Variants in FGFR2 observed in about 807,000 individuals in gnomAD.
The protein encoded by FGFR2 is fibroblast growth factor receptor 2, also known as BEK fibroblast growth factor receptor.
A neutral mutation model predicts 95.9 loss-of-function variants in FGFR2; 19 were observed. The observed-to-expected ratio is 0.20, with a 90% CI of 0.14 to 0.29. The LOEUF (loss-of-function observed/expected upper bound fraction) is 0.29. FGFR2 is among the 10% of genes least tolerant of loss of function. FGFR2 has a pLI of 1.00. For missense variants in FGFR2, 707 were observed against 1,056.9 expected (o/e 0.67, Z 4.59); for synonymous variants, 392 against 393.3 (o/e 1.00, Z 0.04).
At position 121,479,688 on chromosome 10, in the gene FGFR2, T is replaced by C. The variant is rs1403306750; in HGVS notation, c.*169A>G. The C allele has an allele frequency of 6.4e-7, 1 of 1,566,082 alleles. No homozygotes were observed. Among genetic ancestry groups the C allele is most frequent in the South Asian group, 1.2e-5 (1 of 85,910 alleles). On this transcript the variant is annotated 3_prime_UTR_variant, in exon 18 of 18. Coordinates refer to ENST00000358487, the MANE Select transcript of FGFR2 (RefSeq NM_000141.5). ...TTCTCCTCCTGGGGAAGATTACAAG[T>C]TTTCAACTGTATAAATCTTTACACA...
chr10:121,500,729 A>G (rs1052609978), intron 11 of FGFR2, 97 bp downstream of exon 11: 1 of 1,540,312 alleles, frequency 6.5e-7, no homozygotes, highest in Admixed American at 1.7e-5. Flanking sequence ...GTGCTCTCTG[A>G]CCCCGTGCCA....
In FGFR2 at chr10:121,589,784, C is replaced by A. The variant is rs116063295; in HGVS notation, c.109+3925G>T. On this transcript the variant is annotated intron_variant, in intron 2 of 17. Transcript: ENST00000358487. ...TAAGCCTGTATTTGGTTTAATTGAC[C>A]AAGAATAAGTCCTTGTTCCAAAGCT... Among the ~76,000 whole-genome samples the A allele has an allele frequency of 9.8e-4, 149 of 152,262 alleles. 1 individual carries two copies. The highest frequency in any genetic ancestry group is 3.5e-3 in the African/African-American group (144 of 41,564).
chr10:121,498,591 T>G lies in FGFR2; in HGVS notation c.1576A>C (p.Lys526Gln). ...TCTGACACCAGATCAGAAAGGTCTT[T>G]CTCTGTGGCATCATCTATGAACAGT... ...VKMLKDDATE[K>Q]DLSDLVSEME... Residue 526 changes from lysine (K) to glutamine (Q), a missense_variant, in exon 12 of 18, where the codon AAA (lysine) becomes CAA (glutamine). Coordinates refer to ENST00000358487, the MANE Select transcript of FGFR2 (RefSeq NM_000141.5). 1 of 1,614,092 alleles carries G rather than the reference T, an allele frequency of 6.2e-7. No homozygotes were observed. Among genetic ancestry groups the G allele is most frequent in the Non-Finnish European group, 8.5e-7 (1 of 1,179,900 alleles).
intron 1 of FGFR2, among the ~76,000 whole-genome samples, 189 bp downstream of exon 1, chr10:121,597,773 C>G (rs1483604516): frequency 6.6e-6 from 1 of 152,230 alleles, no homozygotes; most frequent in Admixed American, 6.5e-5. Context: ...TCCAGAACGC[C>G]GGCCGTCAGC....
rs1215738029 is a variant in FGFR2, at chr10:121,485,606, CAT to C, written c.2058-76_2058-75del. 1 of 1,596,892 alleles carries C rather than the reference CAT, an allele frequency of 6.3e-7. No individual in the cohort carries two copies. ...AAAACCTAAACACGCCCAGCTGAGA[CAT>C]AAACACCTCCTCACTTCTGAAGTTC... On this transcript the variant is annotated intron_variant, in intron 15 of 17. Transcript: ENST00000358487. This position sits in a 1 kb window ranked among gnomAD's most constrained non-coding sequence, Gnocchi z 4.2.
intron 2 of FGFR2, among the ~76,000 whole-genome samples, chr10:121,579,983 G>C (rs946405321): frequency 6.6e-6 from 1 of 152,112 alleles, no homozygotes; most frequent in African/African-American, 2.4e-5. Flanking sequence ...CCCTGATATT[G>C]ATGTAAACAT....
At chr10:121,515,596 TTG>T (rs1489656575) in intron 8 of FGFR2, among the ~76,000 whole-genome samples, 1 of 152,034 alleles carries the variant, frequency 6.6e-6, no homozygotes, top group Non-Finnish European at 1.5e-5. Flanking sequence ...AGGCCACATT[TTG>T]TTAGACATTT....
At chr10:121,580,504 G>T (rs1168791469) in intron 2 of FGFR2, among the ~76,000 whole-genome samples, 1 of 152,196 alleles carries the variant, frequency 6.6e-6, no homozygotes, top group Non-Finnish European at 1.5e-5. Context: ...TGAAGGCACA[G>T]AGTTGTGGCC....
chr10:121,538,559 A>T (rs775112775), intron 6 of FGFR2, 33 bp downstream of exon 6: 4 of 1,614,176 alleles, frequency 2.5e-6, no homozygotes, highest in Non-Finnish European at 2.5e-6. Flanking sequence ...ATGGGCTGGT[A>T]TGCAGCCGCC....
intron 12 of FGFR2, 63 bp from the exon 13 acceptor site, chr10:121,496,785 G>A (rs986974211): frequency 1.4e-6 from 2 of 1,419,328 alleles, no homozygotes; most frequent in Non-Finnish European, 9.8e-7. Context: ...GGGCAATTCA[G>A]CAAAACATTT....
intron 5 of FGFR2, among the ~76,000 whole-genome samples, chr10:121,542,702 T>C (rs1326063071): frequency 6.6e-6 from 1 of 152,130 alleles, no homozygotes; most frequent in Admixed American, 6.5e-5. Flanking sequence ...AACTCCCAAG[T>C]ATAATACAAG....
chr10:121,591,930 T>G (rs968854177), intron 2 of FGFR2, among the ~76,000 whole-genome samples: 1 of 152,212 alleles, frequency 6.6e-6, no homozygotes, highest in Non-Finnish European at 1.5e-5. Flanking sequence ...TTCTTCCCTC[T>G]GCCTCACCTG....
Position 121,519,849 on chromosome 10 carries a change from A to G in FGFR2, c.939+130T>C, listed in dbSNP as rs1850240644. The G allele has an allele frequency of 8.5e-6, 7 of 821,422 alleles. No individual in the cohort carries two copies. In the Admixed American group the frequency reaches 1.5e-4, roughly 18 times the overall value. 50.9% of individuals were successfully genotyped at this position (821,422 alleles called of 1,614,324 possible). A position where few individuals can be genotyped will look rare whatever the true frequency, so the allele number is the denominator to read the frequency against. The stretch of plus-strand genomic sequence containing the variant: ...TGTAATGATCTGTTAATTCCTTAGA[A>G]CACTCTCTGCTGGCTAGTCAAAAAA... On this transcript the variant is annotated intron_variant, in intron 7 of 17. Coordinates refer to ENST00000358487, the MANE Select transcript of FGFR2 (RefSeq NM_000141.5).
At chr10:121,545,698 G>A (rs1395308308) in intron 5 of FGFR2, among the ~76,000 whole-genome samples, 1 of 152,128 alleles carries the variant, frequency 6.6e-6, no homozygotes, top group Admixed American at 6.5e-5. Flanking sequence ...TGTGGATTAA[G>A]CATAACATTT....
In FGFR2 at chr10:121,565,707, G is replaced by C. The variant is rs2135125392; in HGVS notation, c.110-3C>G. 6.2e-7 allele frequency: 1 copy of C among 1,614,202 alleles called. No homozygotes were observed. The highest frequency in any genetic ancestry group is 8.5e-7 in the Non-Finnish European group (1 of 1,180,038). On this transcript the variant is annotated splice_polypyrimidine_tract_variant and splice_region_variant and intron_variant, in intron 2 of 17. Transcript: ENST00000358487. Reference sequence around the variant, plus strand: ...GATTTGGTATTTGGTTGGTGGCTCTGCAGAAAGGTGGGAGAGAGAAGACGG... The same window carrying C: ...GATTTGGTATTTGGTTGGTGGCTCTCCAGAAAGGTGGGAGAGAGAAGACGG...
intron 7 of FGFR2, among the ~76,000 whole-genome samples, chr10:121,519,101 T>C (rs550745330): frequency 2.6e-4 from 40 of 152,322 alleles, no homozygotes; most frequent in African/African-American, 9.4e-4. Flanking sequence ...CCTTTGATCC[T>C]TGGAATTATT....
Position 121,479,942 on chromosome 10 carries a change from TCTC to T in FGFR2, c.2378_2380del (p.Gly793del). On this transcript the variant is annotated inframe_deletion, in exon 18 of 18. Coordinates refer to ENST00000358487, the MANE Select transcript of FGFR2 (RefSeq NM_000141.5). The stretch of plus-strand genomic sequence containing the variant: ...GGGGTCTGGAGAAAAAACAGAATCA[TCTC>T]CTGAAGAACAAGAACTTCTTGTGTC... The T allele has an allele frequency of 6.2e-7, 1 of 1,614,056 alleles. No individual in the cohort carries two copies. Among genetic ancestry groups the T allele is most frequent in the Non-Finnish European group, 8.5e-7 (1 of 1,180,006 alleles).
intron 5 of FGFR2, among the ~76,000 whole-genome samples, chr10:121,548,407 A>C (rs1272031404): frequency 2.0e-5 from 3 of 151,846 alleles, no homozygotes. Flanking sequence ...GGGGCAGGCT[A>C]AAGGCTTTCT....
intron 6 of FGFR2, among the ~76,000 whole-genome samples, chr10:121,532,902 C>T (rs868571165): frequency 1.3e-5 from 2 of 152,278 alleles, no homozygotes; most frequent in Middle Eastern, 3.4e-3. Flanking sequence ...TGAGTTACAA[C>T]AGATTTATGT....
Sources: allele counts gnomAD v4.1 joint callset (sites outside exome capture counted in the v4.1 genomes callset), GRCh38; gene constraint gnomAD v4.1.1; non-coding constraint Gnocchi (gnomAD v3.1); transcripts MANE v1.5; gene names NCBI Gene and HGNC (gene_info 2026-07-23, HGNC 2026-07-21).